ATG12: variants seen among roughly 807,000 people sequenced by gnomAD.
ATG12 encodes autophagy related 12, also known as ubiquitin-like protein ATG12.
A neutral mutation model predicts 17.6 loss-of-function variants in ATG12; 19 were observed. The observed-to-expected ratio is 1.08, with a 90% CI of 0.75 to 1.58. ATG12 has a LOEUF of 1.58. ATG12 is among the 40% of genes most tolerant of loss of function. The pLI, the probability that ATG12 is intolerant of heterozygous loss-of-function variation, is 0.00. For synonymous variants in ATG12, 75 were observed against 62.4 expected (o/e 1.20, Z -0.95); for missense variants, 214 against 162.0 (o/e 1.32, Z -1.74).
chr5:115,831,964 A>T lies in ATG12; in HGVS notation c.364-101T>A, dbSNP rs72802721. On this transcript the variant is annotated intron_variant, in intron 3 of 3. Coordinates refer to ENST00000509910, the MANE Select transcript of ATG12 (RefSeq NM_004707.4). The stretch of plus-strand genomic sequence containing the variant: ...ATGTATCATAAATATCCACACACGT[A>T]TATTAAGTTACCTATGTTACAGGCT... 6,503 of 1,081,114 alleles carry T rather than the reference A, an allele frequency of 6.0e-3. 22 individuals are homozygous for T. The highest frequency in any genetic ancestry group is 7.3e-3 in the Non-Finnish European group (5,399 of 739,398). 67.0% of individuals were successfully genotyped at this position (1,081,114 alleles called of 1,614,324 possible). A position where few individuals can be genotyped will look rare whatever the true frequency, so the allele number is the denominator to read the frequency against.
chr5:115,841,460 G>T lies in ATG12; in HGVS notation c.93C>A (p.Thr31=), dbSNP rs144382892. The T allele has an allele frequency of 1.5e-4, 235 of 1,611,180 alleles. No homozygotes were observed. The highest frequency in any genetic ancestry group is 1.9e-4 in the Non-Finnish European group (221 of 1,179,316). ...GLTDVSPETT[T]PEPPSSAAVS... ...CTGCAGCGGAAGACGGGGGCTCCGG[G>T]GTGGTTGTTTCTGGGGAGACATCCG... Residue 31 remains threonine, a synonymous_variant, in exon 1 of 4, where the codon ACC becomes ACA. Transcript: ENST00000509910.
At position 115,841,076 on chromosome 5, in the gene ATG12, C is replaced by T. The variant is rs371192802; in HGVS notation, c.163+314G>A. The T allele has an allele frequency of 1.5e-3, 560 of 372,224 alleles. 9 individuals are homozygous for T. The highest frequency in any genetic ancestry group is 0.011 in the South Asian group (545 of 48,158). The allele number at this position is 372,224 out of a possible 1,614,324, so 23.1% of individuals were successfully genotyped here. A position where few individuals can be genotyped will look rare whatever the true frequency, so the allele number is the denominator to read the frequency against. On this transcript the variant is annotated intron_variant, in intron 1 of 3. Transcript: ENST00000509910. The stretch of plus-strand genomic sequence containing the variant: ...GTTAAGTACCTGGAATTACCGAGAC[C>T]CCCCTCCCCCCGCCCCACTCAGCTC...
At chr5:115,834,697 A>C (rs1761019353) in intron 2 of ATG12, among the ~76,000 whole-genome samples, 2 of 152,208 alleles carry the variant, frequency 1.3e-5, no homozygotes, top group Admixed American at 1.3e-4. Context: ...GTTATGCAGG[A>C]TATGAAAGCC....
Position 115,837,669 on chromosome 5 carries a change from A to C in ATG12, c.259T>G (p.Phe87Val). 6.2e-7 allele frequency: 1 copy of C among 1,612,690 alleles called. No homozygotes were observed. ...ACAAGTTTAAGAAACTTTTTGATGAAGTCAATGAGTCCTTGGATGGTTCGT... is the reference window on the plus strand; with the variant it reads ...ACAAGTTTAAGAAACTTTTTGATGACGTCAATGAGTCCTTGGATGGTTCGT... The part of the protein sequence containing the change: ...RTRTIQGLID[F>V]IKKFLKLVAS... The change falls in exon 2 of 4, where the codon TTC becomes GTC. Residue 87 changes from phenylalanine (F) to valine (V), a missense_variant. Transcript: ENST00000509910.
intron 2 of ATG12, 168 bp from the exon 3 acceptor site, chr5:115,832,832 T>C (rs1760943705): frequency 1.8e-6 from 1 of 571,186 alleles, no homozygotes. Flanking sequence ...ATTACGAAGA[T>C]CTCATTTTTC....
intron 1 of ATG12, chr5:115,840,975 G>T: frequency 3.1e-6 from 3 of 980,082 alleles, no homozygotes; most frequent in African/African-American, 1.7e-5. Flanking sequence ...AAGTTGGAAG[G>T]CATGAATTCT....
At chr5:115,838,007 G>A (rs1469203674) in intron 1 of ATG12, 2 of 353,752 alleles carry the variant, frequency 5.7e-6, no homozygotes, top group Non-Finnish European at 1.0e-5. Flanking sequence ...CAGTTCCAAA[G>A]AGAGGAAATA....
intron 1 of ATG12, among the ~76,000 whole-genome samples, chr5:115,840,103 G>A (rs951579959): frequency 6.6e-5 from 10 of 152,160 alleles, no homozygotes; most frequent in African/African-American, 2.4e-4. Context: ...TAAATTGGAA[G>A]AAAAAATGCA....
chr5:115,839,572 G>C (rs1448148022), intron 1 of ATG12: 1 of 152,190 alleles, frequency 6.6e-6, no homozygotes, highest in Non-Finnish European at 1.5e-5. Flanking sequence ...ACCAGAGAAG[G>C]AAAATAATTT....
At chr5:115,837,112 T>C (rs1761134396) in intron 2 of ATG12, among the ~76,000 whole-genome samples, 1 of 152,226 alleles carries the variant, frequency 6.6e-6, no homozygotes, top group African/African-American at 2.4e-5. Flanking sequence ...CATACTTTCA[T>C]GTGACTTTCT....
At chr5:115,835,978 G>T (rs529285323) in intron 2 of ATG12, among the ~76,000 whole-genome samples, 2 of 152,034 alleles carry the variant, frequency 1.3e-5, no homozygotes, top group Non-Finnish European at 2.9e-5. Flanking sequence ...AGAGATTCAC[G>T]TGTACCTTCT....
At chr5:115,836,800 C>T (rs1224393918) in intron 2 of ATG12, among the ~76,000 whole-genome samples, 1 of 152,158 alleles carries the variant, frequency 6.6e-6, no homozygotes, top group Admixed American at 6.5e-5. Flanking sequence ...ATAAAAAACA[C>T]TTAATGTGCC....
Position 115,841,562 on chromosome 5 carries a change from A to C in ATG12, c.-10T>G. On this transcript the variant is annotated 5_prime_UTR_variant, in exon 1 of 4. Transcript: ENST00000509910. Reference sequence around the variant, plus strand: ...GCGGCTCCTCCGCCATCTTGCTTGGAGACACTCGAGAGCGGAAGTAGCGAC... The same window carrying C: ...GCGGCTCCTCCGCCATCTTGCTTGGCGACACTCGAGAGCGGAAGTAGCGAC... 6.2e-7 allele frequency: 1 copy of C among 1,614,054 alleles called. No individual in the cohort carries two copies. The highest frequency in any genetic ancestry group is 8.5e-7 in the Non-Finnish European group (1 of 1,179,998).
intron 2 of ATG12, among the ~76,000 whole-genome samples, chr5:115,835,889 T>C (rs1761077056): frequency 6.6e-6 from 1 of 152,136 alleles, no homozygotes; most frequent in South Asian, 2.1e-4. Flanking sequence ...GGATACCTTA[T>C]CACCTAGTTT....
rs772236454 is a variant in ATG12 at position 115,841,484 on chromosome 5, C to T, written c.69G>A (p.Thr23=). The T allele has an allele frequency of 6.2e-7, 1 of 1,611,748 alleles. No homozygotes were observed. Among genetic ancestry groups the T allele is most frequent in the Non-Finnish European group, 8.5e-7 (1 of 1,179,346 alleles). ...TSIAAGGEGL[T]DVSPETTTPE... is the part of the protein sequence containing the mutation. ...GGGTGGTTGTTTCTGGGGAGACATC[C>T]GTAAGTCCTTCCCCTCCAGCAGCAA... Residue 23 remains threonine (T), a synonymous_variant, in exon 1 of 4, where the codon ACG becomes ACA. Coordinates refer to ENST00000509910, the MANE Select transcript of ATG12 (RefSeq NM_004707.4).
Position 115,829,888 on chromosome 5 carries a change from A to C in ATG12, c.*1916T>G, listed in dbSNP as rs1040283739. The C allele has an allele frequency of 2.6e-5, 4 of 152,176 alleles. No individual in the cohort carries two copies. Among genetic ancestry groups the C allele is most frequent in the Admixed American group, 1.3e-4 (2 of 15,268 alleles). The allele number at this position is 152,176 out of a possible 1,614,324, so 9.4% of individuals were successfully genotyped here. A position where few individuals can be genotyped will look rare whatever the true frequency, so the allele number is the denominator to read the frequency against. On this transcript the variant is annotated 3_prime_UTR_variant, in exon 4 of 4. Coordinates refer to ENST00000509910, the MANE Select transcript of ATG12 (RefSeq NM_004707.4). ...CACTTTGGGAGGCCAAGGCGGGTGG[A>C]TCACCTGAGGTCAGTCAGGAGTTTG...
intron 3 of ATG12, 43 bp from the exon 4 acceptor site, chr5:115,831,906 A>C: frequency 1.3e-6 from 2 of 1,553,116 alleles, no homozygotes; most frequent in Non-Finnish European, 1.8e-6. Flanking sequence ...ATCTTTTATT[A>C]TTCTTAGATG....
intron 1 of ATG12, chr5:115,841,183 C>T (rs1761440438): frequency 1.6e-6 from 1 of 611,836 alleles, no homozygotes; most frequent in African/African-American, 1.9e-5. Flanking sequence ...AAGTATCAGG[C>T]CCTACACCGA....
At position 115,828,294 on chromosome 5, in the gene ATG12, T is replaced by C. The variant is rs1343172294; in HGVS notation, c.*3510A>G. 2.0e-5 allele frequency: 3 copies of C among 152,252 alleles called. No individual in the cohort carries two copies. The highest frequency in any genetic ancestry group is 4.4e-5 in the Non-Finnish European group (3 of 68,000). 9.4% of individuals were successfully genotyped at this position (152,252 alleles called of 1,614,324 possible). On this transcript the variant is annotated 3_prime_UTR_variant, in exon 4 of 4. Coordinates refer to ENST00000509910, the MANE Select transcript of ATG12 (RefSeq NM_004707.4). The stretch of plus-strand genomic sequence containing the variant: ...GACAGGTTATACGAACAAACTGAAG[T>C]TTATACTTACGTTTCAAGGTTTTTG...
Sources: allele counts gnomAD v4.1 joint callset (sites outside exome capture counted in the v4.1 genomes callset), GRCh38; gene constraint gnomAD v4.1.1; transcripts MANE v1.5; gene names NCBI Gene and HGNC (gene_info 2026-07-23, HGNC 2026-07-21).